TSPOAP1: variants seen among roughly 807,000 people sequenced by gnomAD.
The protein encoded by TSPOAP1 is TSPO associated protein 1.
In TSPOAP1, 87 loss-of-function variants were observed where a neutral mutation model predicts 197.0. The observed-to-expected ratio is 0.44, with a 90% CI of 0.37 to 0.53. The LOEUF (loss-of-function observed/expected upper bound fraction) is 0.53. Among genes scored for constraint, TSPOAP1 ranks in the 20% least tolerant of loss-of-function variants. The probability of loss-of-function intolerance (pLI) is 0.00; values close to 1 mark genes in which losing one functional copy is unlikely to be tolerated. For synonymous variants in TSPOAP1, 913 were observed against 998.9 expected, an observed-to-expected ratio of 0.91 and a Z score of 1.62; for missense variants, 2,174 against 2,411.3, an observed-to-expected ratio of 0.90 and a Z score of 2.06.
intron 20 of TSPOAP1, 50 bp from the exon 21 acceptor site, chr17:58,310,208 A>C (rs1412824092): frequency 1.3e-6 from 2 of 1,557,728 alleles, no homozygotes; most frequent in Non-Finnish European, 1.7e-6. Flanking sequence ...GAGGGGGCAC[A>C]GGGGGTTCCA....
At chr17:58,325,072 C>T in intron 4 of TSPOAP1, 70 bp from the exon 5 acceptor site, 1 of 1,364,286 alleles carries the variant, frequency 7.3e-7, no homozygotes, top group Non-Finnish European at 9.8e-7. Context: ...CCATCCCCTG[C>T]AGAGCCCTTC....
chr17:58,305,938 A>G, intron 26 of TSPOAP1, 73 bp from the exon 27 acceptor site: 1 of 1,299,996 alleles, frequency 7.7e-7, no homozygotes, highest in South Asian at 1.2e-5. Context: ...AGCGCAGGCC[A>G]GACACTCGCC....
chr17:58,302,490 C>T, intron 31 of TSPOAP1, 43 bp from the exon 32 acceptor site: 5 of 1,178,096 alleles, frequency 4.2e-6, no homozygotes, highest in Middle Eastern at 3.9e-4. Context: ...GCCTGATTCC[C>T]TCCTGACCCC....
intron 14 of TSPOAP1, among the ~76,000 whole-genome samples, chr17:58,317,756 C>T (rs1291899174): frequency 2.0e-5 from 3 of 152,212 alleles, no homozygotes; most frequent in Non-Finnish European, 4.4e-5. Context: ...GAGCACACAT[C>T]CTGTGTGCCC....
chr17:58,304,871 G>A lies in TSPOAP1; in HGVS notation c.5544+190C>T. 1 of 695,154 alleles carries A rather than the reference G, an allele frequency of 1.4e-6. No individual in the cohort carries two copies. Among genetic ancestry groups the A allele is most frequent in the Non-Finnish European group, 2.6e-6 (1 of 380,026 alleles). 43.1% of individuals were successfully genotyped at this position (695,154 alleles called of 1,614,324 possible). A position where few individuals can be genotyped will look rare whatever the true frequency, so the allele number is the denominator to read the frequency against. Reference sequence around the variant, plus strand: ...ACAGCTATCATCCCTCTGCAGAGAGGGGCACATACTGGGGGGCAGCTGCTT... The same window carrying A: ...ACAGCTATCATCCCTCTGCAGAGAGAGGCACATACTGGGGGGCAGCTGCTT... On this transcript the variant is annotated intron_variant, in intron 30 of 31. Transcript: ENST00000343736. This position sits in a 1 kb window ranked among gnomAD's most constrained non-coding sequence, Gnocchi z 4.2.
rs368734339 is a variant in TSPOAP1 at position 58,325,690 on chromosome 17, C to G, written c.594G>C (p.Pro198=). ...TCCGACACAACTCCAAGCTGGTCCC[C>G]GGCCGGGGCAAGGGGGCACTCACCT... ...LRVVSAPLPR[P]GTSLELCRKA... is the part of the protein sequence containing the mutation. The change falls in exon 4 of 32, where the codon CCG becomes CCC. Residue 198 remains proline (P), a synonymous_variant. Transcript: ENST00000343736. The G allele has an allele frequency of 6.2e-7, 1 of 1,611,204 alleles. No homozygotes were observed. Among genetic ancestry groups the G allele is most frequent in the Non-Finnish European group, 8.5e-7 (1 of 1,179,150 alleles).
At chr17:58,321,654 G>A (rs562593496) in intron 10 of TSPOAP1, among the ~76,000 whole-genome samples, 11 of 151,986 alleles carry the variant, frequency 7.2e-5, no homozygotes, top group African/African-American at 9.7e-5. Context: ...CTTGTCTCCC[G>A]TTCCACTGCA....
intron 3 of TSPOAP1, among the ~76,000 whole-genome samples, 185 bp from the exon 4 acceptor site, chr17:58,325,898 T>C (rs72839996): frequency 6.6e-5 from 10 of 152,250 alleles, no homozygotes; most frequent in Non-Finnish European, 1.5e-4. Flanking sequence ...TGGAAAGGAT[T>C]AACTCTACAT....
chr17:58,311,817 T>C, intron 17 of TSPOAP1, 75 bp downstream of exon 17: 1 of 1,489,000 alleles, frequency 6.7e-7, no homozygotes, highest in South Asian at 1.4e-5. Context: ...GCAAATAAGA[T>C]CAGGGTCCCC....
In TSPOAP1 at chr17:58,304,947, G is replaced by C. The variant is rs72839983; in HGVS notation, c.5544+114C>G. 1.2e-6 allele frequency: 1 copy of C among 805,182 alleles called. No individual in the cohort carries two copies. The highest frequency in any genetic ancestry group is 2.5e-5 in the East Asian group (1 of 39,364). The allele number at this position is 805,182 out of a possible 1,614,324, so 49.9% of individuals were successfully genotyped here. ...TTAGCGGCTGCACGCTGGACACAGT[G>C]CTTACCTGCATGACCACCCCAGCTG... On this transcript the variant is annotated intron_variant, in intron 30 of 31. Coordinates refer to ENST00000343736, the MANE Select transcript of TSPOAP1 (RefSeq NM_004758.4). This position sits in a 1 kb window ranked among gnomAD's most constrained non-coding sequence, Gnocchi z 4.2.
chr17:58,310,187 A>G, intron 20 of TSPOAP1, 29 bp from the exon 21 acceptor site: 2 of 1,600,522 alleles, frequency 1.2e-6, no homozygotes, highest in Non-Finnish European at 1.7e-6. Context: ...GGCAGGAGAG[A>G]TAAGGACAGT....
At chr17:58,317,537 C>T (rs1305003393) in intron 14 of TSPOAP1, among the ~76,000 whole-genome samples, 1 of 152,208 alleles carries the variant, frequency 6.6e-6, no homozygotes, top group Non-Finnish European at 1.5e-5. Flanking sequence ...ACAACCACAT[C>T]CAAAGCTGGC....
intron 16 of TSPOAP1, 109 bp downstream of exon 16, chr17:58,315,914 T>G: frequency 1.2e-6 from 1 of 836,996 alleles, no homozygotes; most frequent in East Asian, 2.5e-5. Flanking sequence ...GATGGATGGA[T>G]GGATGGATGG....
Position 58,320,598 on chromosome 17 carries a change from C to A in TSPOAP1, c.1423-17G>T. ...AGCCTGGGCCTACAGGTGGGGGGAA[C>A]CAAAATACTGGAGGGAAGGAGAAGG... is the stretch of plus-strand genomic sequence containing the variant. On this transcript the variant is annotated splice_polypyrimidine_tract_variant and intron_variant, in intron 10 of 31. Transcript: ENST00000343736. The A allele has an allele frequency of 3.5e-6, 5 of 1,413,732 alleles. No individual in the cohort carries two copies. The highest frequency in any genetic ancestry group is 1.9e-4 in the Middle Eastern group (1 of 5,342). The allele number at this position is 1,413,732 out of a possible 1,614,324, so 87.6% of individuals were successfully genotyped here. A position where few individuals can be genotyped will look rare whatever the true frequency, so the allele number is the denominator to read the frequency against.
At position 58,324,822 on chromosome 17, in the gene TSPOAP1, C is replaced by T; in HGVS notation, c.931G>A (p.Ala311Thr). ...GCGCCGGCGCTCACCTCTCCCGGGGCCCCGGGAGCAGGCGCCCCTGCTCTG... is the reference window on the plus strand; with the variant it reads ...GCGCCGGCGCTCACCTCTCCCGGGGTCCCGGGAGCAGGCGCCCCTGCTCTG... ...QARAGAPAPG[A>T]PGEATPQEDA... Residue 311 changes from alanine (A) to threonine (T), a missense_variant, in exon 5 of 32, where the codon GCC becomes ACC. Physicochemically the swap from Ala to Thr is moderately conservative, Grantham distance 58. Around this residue, in one of 5 missense-constraint regions of TSPOAP1, gnomAD observed 1,933 missense variants for 2,139.0 expected, o/e 0.90. Coordinates refer to ENST00000343736, the MANE Select transcript of TSPOAP1 (RefSeq NM_004758.4). The surrounding 1 kb of genome is among the most constrained non-coding windows in gnomAD (Gnocchi z 5.8). The T allele has an allele frequency of 6.8e-7, 1 of 1,464,568 alleles. No individual in the cohort carries two copies. The highest frequency in any genetic ancestry group is 9.0e-7 in the Non-Finnish European group (1 of 1,112,744). The allele number at this position is 1,464,568 out of a possible 1,614,324, so 90.7% of individuals were successfully genotyped here.
intron 23 of TSPOAP1, 22 bp downstream of exon 23, chr17:58,307,820 T>TCCAGCC: frequency 6.2e-7 from 1 of 1,613,816 alleles, no homozygotes; most frequent in South Asian, 1.1e-5. Flanking sequence ...CAGCTCTAGC[T>TCCAGCC]CCAGCCCCAT....
rs141643991 is a variant in TSPOAP1 at position 58,309,273 on chromosome 17, C to T, written c.3999G>A (p.Pro1333=). The T allele has an allele frequency of 5.0e-4, 805 of 1,613,936 alleles. 1 individual carries two copies. Among genetic ancestry groups the T allele is most frequent in the Non-Finnish European group, 4.9e-4 (582 of 1,180,006 alleles). The part of the protein sequence containing the change: ...QFCSKKLFSI[P]EEEEEEEEDE... Reference sequence around the variant, plus strand: ...CCTCCTCTTCCTCTTCCTCCTCCTCCGGGATGCTAAAGAGCTTCTTGCTAC... The same window carrying T: ...CCTCCTCTTCCTCTTCCTCCTCCTCTGGGATGCTAAAGAGCTTCTTGCTAC... The change falls in exon 22 of 32, where the codon CCG becomes CCA. Residue 1333 remains proline, a synonymous_variant. Transcript: ENST00000343736. This position sits in a 1 kb window ranked among gnomAD's most constrained non-coding sequence, Gnocchi z 5.0.
chr17:58,326,193 T>C lies in TSPOAP1; in HGVS notation c.570+100A>G. 6.5e-7 allele frequency: 1 copy of C among 1,546,272 alleles called. No individual in the cohort carries two copies. The highest frequency in any genetic ancestry group is 8.7e-7 in the Non-Finnish European group (1 of 1,146,056). ...ATTCTTGCTTTCCTAGGTGCTGAGC[T>C]GAGACCGTGACTCCCAAGCTTCAGA... On this transcript the variant is annotated intron_variant, in intron 3 of 31. Coordinates refer to ENST00000343736, the MANE Select transcript of TSPOAP1 (RefSeq NM_004758.4). The surrounding 1 kb of genome is among the most constrained non-coding windows in gnomAD (Gnocchi z 4.7).
chr17:58,315,970 C>T, intron 16 of TSPOAP1, 53 bp downstream of exon 16: 1 of 1,360,578 alleles, frequency 7.3e-7, no homozygotes, highest in Admixed American at 1.7e-5. Context: ...TCTTTGGGAA[C>T]ATGGGCTCAA....
Sources: allele counts gnomAD v4.1 joint callset (sites outside exome capture counted in the v4.1 genomes callset), GRCh38; gene constraint gnomAD v4.1.1; regional missense constraint gnomAD v4.1.1; non-coding constraint Gnocchi (gnomAD v3.1); transcripts MANE v1.5; gene names NCBI Gene and HGNC (gene_info 2026-07-23, HGNC 2026-07-21).